GABBR2: variants seen among roughly 807,000 people sequenced by gnomAD.
GABBR2 encodes the protein G-protein coupled receptor 51.
In GABBR2, 23 loss-of-function variants were observed where a neutral mutation model predicts 105.6. The observed-to-expected ratio is 0.22, with a 90% CI of 0.16 to 0.31. The LOEUF (loss-of-function observed/expected upper bound fraction) is 0.31, where lower values mean the gene tolerates loss of function less well. Ranked by LOEUF, GABBR2 falls within the 10% of genes least tolerant of loss-of-function variation. The probability of loss-of-function intolerance (pLI) is 1.00; values close to 1 mark genes in which losing one functional copy is unlikely to be tolerated. For missense variants in GABBR2, 734 were observed against 1,245.5 expected, an observed-to-expected ratio of 0.59 and a Z score of 6.18; for synonymous variants, 478 against 499.7, an observed-to-expected ratio of 0.96 and a Z score of 0.58.
At chr9:98,569,030 A>G (rs139368963) in intron 2 of GABBR2, among the ~76,000 whole-genome samples, 8 of 152,166 alleles carry the variant, frequency 5.3e-5, no homozygotes, top group African/African-American at 1.9e-4. Context: ...TAATGAATCC[A>G]GAAGGTGGAA....
Position 98,390,375 on chromosome 9 carries a change from CAAAAAAAAAA to C in GABBR2, c.1379-1381_1379-1372del, listed in dbSNP as rs61216428. On this transcript the variant is annotated intron_variant, in intron 9 of 18. Transcript: ENST00000259455. Reference sequence around the variant, plus strand: ...GGTGACAGAGCAAGACTCCATCTCACAAAAAAAAAAAAAAAAAAAAAAAAAAATAGAGAGC... The same window carrying C: ...GGTGACAGAGCAAGACTCCATCTCACAAAAAAAAAAAAAAAAATAGAGAGC... Among the ~76,000 whole-genome samples, 168 of 32,442 alleles carry C rather than the reference CAAAAAAAAAA, an allele frequency of 5.2e-3. 2 individuals are homozygous for C. The highest frequency in any genetic ancestry group is 0.022 in the Middle Eastern group (1 of 46). 21.3% of individuals were successfully genotyped at this position (32,442 alleles called of 152,430 possible). A position where few individuals can be genotyped will look rare whatever the true frequency, so the allele number is the denominator to read the frequency against.
At chr9:98,317,456 G>A (rs954887623) in intron 13 of GABBR2, among the ~76,000 whole-genome samples, 1 of 152,252 alleles carries the variant, frequency 6.6e-6, no homozygotes, top group African/African-American at 2.4e-5. Flanking sequence ...TGGAGCATAA[G>A]TGGAGGTGTT....
intron 16 of GABBR2, chr9:98,302,874 G>T (rs951900326): frequency 8.2e-5 from 19 of 230,520 alleles, no homozygotes; most frequent in Non-Finnish European, 1.6e-4. Context: ...GTGGTTGCTG[G>T]GTTGTGCTGG....
intron 7 of GABBR2, among the ~76,000 whole-genome samples, chr9:98,427,121 G>A (rs7026110): frequency 0.13 from 19,673 of 152,132 alleles, 1,739 homozygotes; most frequent in East Asian, 0.37. Flanking sequence ...TTCTTCTAGC[G>A]GCAGAAACCA....
chr9:98,491,080 C>T (rs1001815066), intron 4 of GABBR2, among the ~76,000 whole-genome samples: 2 of 151,776 alleles, frequency 1.3e-5, no homozygotes, highest in African/African-American at 2.4e-5. Context: ...TGTCAATTTC[C>T]GTCTCTATTT....
At chr9:98,314,346 T>A (rs751383186) in intron 13 of GABBR2, among the ~76,000 whole-genome samples, 32 of 152,172 alleles carry the variant, frequency 2.1e-4, no homozygotes, top group Non-Finnish European at 4.0e-4. Flanking sequence ...GTTTCTCCAG[T>A]GTGTGACAAT....
chr9:98,353,911 C>T (rs566491493), intron 13 of GABBR2, among the ~76,000 whole-genome samples: 1 of 152,324 alleles, frequency 6.6e-6, no homozygotes, highest in East Asian at 1.9e-4. Context: ...TGCACTCACT[C>T]CATCTTGCCA....
chr9:98,296,217 C>T (rs967158343), intron 17 of GABBR2, among the ~76,000 whole-genome samples: 4 of 152,182 alleles, frequency 2.6e-5, no homozygotes, highest in Admixed American at 1.3e-4. Context: ...ACCCCTTCCA[C>T]TCCTTCTGCC....
rs144374413 is a variant in GABBR2, at chr9:98,645,216, G to A, written c.321+63201C>T. On this transcript the variant is annotated intron_variant, in intron 1 of 18. Coordinates refer to ENST00000259455, the MANE Select transcript of GABBR2 (RefSeq NM_005458.8). The stretch of plus-strand genomic sequence containing the variant: ...CACCAGACTCAGGCAAGCAGGCAAA[G>A]TGCAGCCCAAGGTGCAATGGGCTGC... 1.2e-3 allele frequency among the ~76,000 whole-genome samples: 179 copies of A among 152,318 alleles called. 1 individual carries two copies. The highest frequency in any genetic ancestry group is 4.1e-3 in the African/African-American group (172 of 41,568).
chr9:98,502,308 GAGGCTGGTCCCC>G (rs1827416659), intron 3 of GABBR2, among the ~76,000 whole-genome samples: 1 of 152,154 alleles, frequency 6.6e-6, no homozygotes, highest in African/African-American at 2.4e-5. Flanking sequence ...TCCCATCAGG[GAGGCTGGTCCCC>G]ACTTCTGAGA....
intron 7 of GABBR2, among the ~76,000 whole-genome samples, chr9:98,453,273 G>A (rs377470596): frequency 1.3e-5 from 2 of 152,204 alleles, no homozygotes; most frequent in South Asian, 2.1e-4. Context: ...TGATCCACCC[G>A]CCTCAGCCTC....
At chr9:98,353,005 A>G (rs1564028238) in intron 13 of GABBR2, among the ~76,000 whole-genome samples, 1 of 151,934 alleles carries the variant, frequency 6.6e-6, no homozygotes. Context: ...CTTGGGTTTT[A>G]GGGGGGTGAG....
At chr9:98,389,070 T>A in intron 9 of GABBR2, 66 bp from the exon 10 acceptor site, 1 of 1,413,610 alleles carries the variant, frequency 7.1e-7, no homozygotes, top group African/African-American at 1.4e-5. Context: ...CACCTTTGCC[T>A]TAGTGTCCCT....
At chr9:98,336,002 T>C (rs1347007163) in intron 13 of GABBR2, among the ~76,000 whole-genome samples, 2 of 152,134 alleles carry the variant, frequency 1.3e-5, no homozygotes, top group Non-Finnish European at 2.9e-5. Flanking sequence ...CACATTCTAG[T>C]GGATGATAGA....
intron 7 of GABBR2, among the ~76,000 whole-genome samples, chr9:98,406,749 G>A (rs1178331215): frequency 6.6e-6 from 1 of 152,200 alleles, no homozygotes; most frequent in Non-Finnish European, 1.5e-5. Flanking sequence ...GCAGCTGAGT[G>A]CCCCTCATTA....
Position 98,454,329 on chromosome 9 carries a change from T to C in GABBR2, c.1000-112A>G. On this transcript the variant is annotated intron_variant, in intron 6 of 18. Coordinates refer to ENST00000259455, the MANE Select transcript of GABBR2 (RefSeq NM_005458.8). This position sits in a 1 kb window ranked among gnomAD's most constrained non-coding sequence, Gnocchi z 4.6. The stretch of plus-strand genomic sequence containing the variant: ...AATGCCCACAGGGTGCCAGGTACAG[T>C]GCTAGATTCTACGTGCATTATCTCA... The C allele has an allele frequency of 1.3e-6, 1 of 748,082 alleles. No homozygotes were observed. Among genetic ancestry groups the C allele is most frequent in the Non-Finnish European group, 2.4e-6 (1 of 413,854 alleles). 46.3% of individuals were successfully genotyped at this position (748,082 alleles called of 1,614,324 possible).
At chr9:98,604,492 C>T (rs982572266) in intron 1 of GABBR2, among the ~76,000 whole-genome samples, 1 of 152,180 alleles carries the variant, frequency 6.6e-6, no homozygotes, top group African/African-American at 2.4e-5. Flanking sequence ...TGTTGTCATG[C>T]TTTTCCCTTC....
At chr9:98,627,832 C>G (rs1829761957) in intron 1 of GABBR2, among the ~76,000 whole-genome samples, 1 of 152,144 alleles carries the variant, frequency 6.6e-6, no homozygotes, top group Non-Finnish European at 1.5e-5. Context: ...CTCTATTTGA[C>G]CAAGGAAAAA....
chr9:98,375,989 T>C (rs530689919), intron 11 of GABBR2, among the ~76,000 whole-genome samples: 2 of 152,362 alleles, frequency 1.3e-5, no homozygotes, highest in South Asian at 4.1e-4. Flanking sequence ...TACGTGTGTT[T>C]ATTTTTCTGA....
Sources: allele counts gnomAD v4.1 joint callset (sites outside exome capture counted in the v4.1 genomes callset), GRCh38; gene constraint gnomAD v4.1.1; non-coding constraint Gnocchi (gnomAD v3.1); transcripts MANE v1.5; gene names NCBI Gene and HGNC (gene_info 2026-07-23, HGNC 2026-07-21).